IQSEC1: variants seen among roughly 807,000 people sequenced by gnomAD.
IQSEC1 encodes IQ motif and SEC7 domain-containing protein 1.
Under a neutral mutation model 91.0 loss-of-function variants are expected in IQSEC1, and 31 were observed. The observed-to-expected ratio is 0.34, with a 90% confidence interval of 0.26 to 0.46. The LOEUF is 0.46. IQSEC1 is among the 20% of genes least tolerant of loss of function. The pLI is 1.00. For missense variants in IQSEC1, 1,388 were observed against 1,575.6 expected (o/e 0.88, Z 2.02); for synonymous variants, 699 against 662.6 (o/e 1.05, Z -0.84).
chr3:13,234,955 T>C (rs975951339), intron 1 of IQSEC1, among the ~76,000 whole-genome samples: 1 of 152,170 alleles, frequency 6.6e-6, no homozygotes, highest in Non-Finnish European at 1.5e-5. Context: ...TGTGGGTGAT[T>C]GCTGAGGCCC....
intron 2 of IQSEC1, among the ~76,000 whole-genome samples, chr3:13,087,558 C>G (rs751264171): frequency 1.3e-5 from 2 of 152,180 alleles, no homozygotes; most frequent in Non-Finnish European, 2.9e-5. Context: ...TGCTAAGAGC[C>G]TCTGCACCAC....
At chr3:12,958,529 G>A (rs922752684) in intron 1 of IQSEC1, among the ~76,000 whole-genome samples, 1 of 152,226 alleles carries the variant, frequency 6.6e-6, no homozygotes, top group Non-Finnish European at 1.5e-5. Context: ...AAAGCAGAGA[G>A]TAGCTGCTGC....
At chr3:13,071,592 G>T (rs1705429340) in intron 1 of IQSEC1, among the ~76,000 whole-genome samples, 1 of 152,190 alleles carries the variant, frequency 6.6e-6, no homozygotes, top group Non-Finnish European at 1.5e-5. Context: ...AGAAAATGCA[G>T]CGAGGGCCTT....
intron 1 of IQSEC1, among the ~76,000 whole-genome samples, chr3:13,037,211 C>G (rs915708328): frequency 6.6e-6 from 1 of 152,124 alleles, no homozygotes; most frequent in African/African-American, 2.4e-5. Context: ...GCTGGTAAGG[C>G]TACATACTGC....
At chr3:13,184,912 G>A (rs977617770) in intron 1 of IQSEC1, among the ~76,000 whole-genome samples, 4 of 152,204 alleles carry the variant, frequency 2.6e-5, no homozygotes, top group African/African-American at 9.6e-5. Context: ...AAAGGAGTGA[G>A]GCAGATAGAT....
At chr3:12,948,381 G>C (rs764422969) in intron 1 of IQSEC1, among the ~76,000 whole-genome samples, 10 of 152,202 alleles carry the variant, frequency 6.6e-5, no homozygotes, top group Non-Finnish European at 1.5e-4. Flanking sequence ...CTCCAGGCTG[G>C]AGAGCCTGAC....
intron 2 of IQSEC1, among the ~76,000 whole-genome samples, chr3:13,120,187 G>A (rs1706400928): frequency 6.6e-6 from 1 of 152,152 alleles, no homozygotes; most frequent in East Asian, 1.9e-4. Flanking sequence ...ATGACCTTCC[G>A]ACCCCCAGGG....
intron 2 of IQSEC1, among the ~76,000 whole-genome samples, chr3:13,084,533 G>A (rs759877663): frequency 5.3e-5 from 8 of 152,212 alleles, no homozygotes; most frequent in African/African-American, 1.7e-4. Context: ...TCCAGTGGAG[G>A]AGACGGACAT....
At chr3:13,269,220 C>G (rs1184080593) in intron 1 of IQSEC1, among the ~76,000 whole-genome samples, 1 of 152,314 alleles carries the variant, frequency 6.6e-6, no homozygotes, top group African/African-American at 2.4e-5. Context: ...CTCCTGCCCT[C>G]AGGGCAGGAC....
intron 1 of IQSEC1, among the ~76,000 whole-genome samples, chr3:13,221,354 C>A (rs564688434): frequency 3.3e-5 from 5 of 152,210 alleles, no homozygotes; most frequent in Non-Finnish European, 5.9e-5. Context: ...GTTCCTCCAA[C>A]AGGACATGTC....
At chr3:13,237,624 C>T (rs2125098621) in intron 1 of IQSEC1, among the ~76,000 whole-genome samples, 1 of 152,360 alleles carries the variant, frequency 6.6e-6, no homozygotes, top group East Asian at 1.9e-4. Flanking sequence ...TCCAAGGCTG[C>T]AAGGCAGGAC....
intron 1 of IQSEC1, among the ~76,000 whole-genome samples, chr3:13,068,512 G>T (rs1202646330): frequency 6.6e-6 from 1 of 152,186 alleles, no homozygotes; most frequent in South Asian, 2.1e-4. Context: ...TGGTTGGGAG[G>T]CCCCAATGCA....
intron 1 of IQSEC1, chr3:13,042,156 C>T (rs1704298258): frequency 6.6e-6 from 1 of 152,294 alleles, no homozygotes; most frequent in African/African-American, 2.4e-5. Flanking sequence ...AACGCTGCTG[C>T]TGGTCTTGGC....
intron 2 of IQSEC1, among the ~76,000 whole-genome samples, chr3:13,108,802 C>T (rs910262989): frequency 2.0e-4 from 31 of 152,368 alleles, no homozygotes; most frequent in Non-Finnish European, 2.2e-4. Flanking sequence ...TAAGCATCAT[C>T]TGAGAGAATG....
chr3:13,045,003 A>T (rs1351814626), intron 1 of IQSEC1, among the ~76,000 whole-genome samples: 1 of 152,214 alleles, frequency 6.6e-6, no homozygotes, highest in African/African-American at 2.4e-5. Flanking sequence ...GGGAACATTG[A>T]TCCTGGCCCT....
chr3:12,899,685 A>C lies in IQSEC1; in HGVS notation c.*1298T>G. 1.0e-6 allele frequency: 1 copy of C among 985,432 alleles called. No individual in the cohort carries two copies. Among genetic ancestry groups the C allele is most frequent in the Non-Finnish European group, 1.2e-6 (1 of 829,932 alleles). 61.0% of individuals were successfully genotyped at this position (985,432 alleles called of 1,614,324 possible). ...CACATGGCTACATGGAATTACGGTG[A>C]TCACTGCTACCACTCAGAAAACAAA... On this transcript the variant is annotated 3_prime_UTR_variant, in exon 14 of 14. Coordinates refer to ENST00000613206, the MANE Select transcript of IQSEC1 (RefSeq NM_001134382.3).
chr3:12,955,903 C>T (rs1268214840), intron 1 of IQSEC1, among the ~76,000 whole-genome samples: 1 of 151,608 alleles, frequency 6.6e-6, no homozygotes. Context: ...CACGAGGTCT[C>T]CAATAGAGAC....
At chr3:13,215,088 C>T (rs1694519082) in intron 1 of IQSEC1, among the ~76,000 whole-genome samples, 1 of 152,124 alleles carries the variant, frequency 6.6e-6, no homozygotes, top group African/African-American at 2.4e-5. Flanking sequence ...CCTTGTGCAC[C>T]ATCTGGCAAG....
chr3:13,231,957 C>G (rs998040586), intron 1 of IQSEC1, among the ~76,000 whole-genome samples: 1 of 152,238 alleles, frequency 6.6e-6, no homozygotes, highest in Non-Finnish European at 1.5e-5. Context: ...GCTCCCACGC[C>G]GAGAGGCGGA....
Sources: gnomAD v4.1 joint callset for allele counts (sites outside exome capture counted in the v4.1 genomes callset) on GRCh38, gnomAD v4.1.1 for gene constraint, MANE v1.5 for transcripts, NCBI Gene and HGNC (gene_info 2026-07-23, HGNC 2026-07-21) for gene names.